FNBP1: variants seen among roughly 807,000 people sequenced by gnomAD.
The protein encoded by FNBP1 is formin binding protein 1.
FNBP1 carries 26 observed loss-of-function variants against 90.6 expected under a neutral mutation model. That is an observed-to-expected ratio of 0.29 (90% CI 0.21 to 0.40). The LOEUF (loss-of-function observed/expected upper bound fraction) is 0.40. Among genes scored for constraint, FNBP1 ranks in the 10% least tolerant of loss-of-function variants. The pLI is 1.00. For missense variants in FNBP1, 635 were observed against 768.0 expected (o/e 0.83, Z 2.05); for synonymous variants, 260 against 265.2 (o/e 0.98, Z 0.19).
intron 11 of FNBP1, among the ~76,000 whole-genome samples, chr9:129,913,901 G>A (rs1030284628): frequency 6.7e-6 from 1 of 150,044 alleles, no homozygotes; most frequent in Non-Finnish European, 1.5e-5. Context: ...TTTTTTTTGA[G>A]ACAGGGTTTC....
chr9:129,900,063 C>A lies in FNBP1; in HGVS notation c.1589G>T (p.Ser530Ile). ...ATCCGTGGCCAGCACCTTCATCTCA[C>A]TCTCCTGACTCTGCTCCTCTGTGTA... ...GSYTEEQSQE[S>I]EMKVLATDFD... Residue 530 changes from serine to isoleucine, a missense_variant, in exon 15 of 17, where the codon AGT (serine) becomes ATT (isoleucine). By Grantham distance (142) the Ser-to-Ile change is moderately radical (BLOSUM62 -2). Coordinates refer to ENST00000446176, the MANE Select transcript of FNBP1 (RefSeq NM_015033.3). This position sits in a 1 kb window ranked among gnomAD's most constrained non-coding sequence, Gnocchi z 4.1. The A allele has an allele frequency of 2.5e-6, 4 of 1,613,488 alleles. No individual in the cohort carries two copies. The highest frequency in any genetic ancestry group is 3.4e-6 in the Non-Finnish European group (4 of 1,179,676).
Position 129,900,306 on chromosome 9 carries a change from G to T in FNBP1, c.1550+120C>A. ...TCATGGAAAAAGTGACAGGTCAATC[G>T]CAACAGACATTTTGGCATTGAACAA... On this transcript the variant is annotated intron_variant, in intron 14 of 16. Coordinates refer to ENST00000446176, the MANE Select transcript of FNBP1 (RefSeq NM_015033.3). The surrounding 1 kb of genome is among the most constrained non-coding windows in gnomAD (Gnocchi z 4.1). 1 of 1,183,568 alleles carries T rather than the reference G, an allele frequency of 8.4e-7. No homozygotes were observed. Among genetic ancestry groups the T allele is most frequent in the Non-Finnish European group, 1.1e-6 (1 of 875,656 alleles). 73.3% of individuals were successfully genotyped at this position (1,183,568 alleles called of 1,614,324 possible).
At chr9:130,013,942 G>C (rs1175627479) in intron 1 of FNBP1, 1 of 452,214 alleles carries the variant, frequency 2.2e-6, no homozygotes, top group Non-Finnish European at 4.4e-6. Flanking sequence ...CTAGATTCAT[G>C]AGCCAAATAA....
rs890909127 is a variant in FNBP1, at chr9:130,043,081, C to T, written c.-106G>A. On this transcript the variant is annotated 5_prime_UTR_variant, in exon 1 of 17. Coordinates refer to ENST00000446176, the MANE Select transcript of FNBP1 (RefSeq NM_015033.3). ...GAGATCCCCGCGACGGCGGAAAGCC[C>T]GGAGTCCGCGCGGCCTCCTCCGGCT... 1 of 1,085,256 alleles carries T rather than the reference C, an allele frequency of 9.2e-7. No individual in the cohort carries two copies. Among genetic ancestry groups the T allele is most frequent in the Middle Eastern group, 3.4e-4 (1 of 2,900 alleles). The allele number at this position is 1,085,256 out of a possible 1,614,324, so 67.2% of individuals were successfully genotyped here.
chr9:129,960,975 G>A (rs1460797018), intron 4 of FNBP1, among the ~76,000 whole-genome samples: 1 of 152,020 alleles, frequency 6.6e-6, no homozygotes. Flanking sequence ...GATCATACAC[G>A]TAGTTTCACA....
intron 1 of FNBP1, among the ~76,000 whole-genome samples, chr9:130,034,112 G>A (rs952593440): frequency 6.6e-6 from 1 of 151,666 alleles, no homozygotes; most frequent in East Asian, 1.9e-4. Flanking sequence ...ACGAGGTCAG[G>A]AGATCGAGAC....
intron 6 of FNBP1, among the ~76,000 whole-genome samples, chr9:129,947,772 G>A (rs1382295222): frequency 1.3e-5 from 2 of 151,464 alleles, no homozygotes; most frequent in Admixed American, 6.6e-5. Context: ...ACAGGCATGC[G>A]CCACCACACC....
Position 129,919,546 on chromosome 9 carries a change from A to G in FNBP1, c.1171-3566T>C, listed in dbSNP as rs111257464. On this transcript the variant is annotated intron_variant, in intron 10 of 16. Transcript: ENST00000446176. ...CTTACATAAAAATGAAACAATGGTT[A>G]ATGTTCTGGCGGCATCTCTAAACAT... Among the ~76,000 whole-genome samples the G allele has an allele frequency of 6.2e-3, 941 of 152,366 alleles. 6 individuals are homozygous for G. Among genetic ancestry groups the G allele is most frequent in the Middle Eastern group, 0.02 (6 of 294 alleles).
intron 10 of FNBP1, among the ~76,000 whole-genome samples, chr9:129,917,021 T>TG (rs74572045): frequency 0.082 from 12,273 of 150,286 alleles, 547 homozygotes; most frequent in East Asian, 0.1. Context: ...TGACTGCTCT[T>TG]TTTTTTTTTG....
At chr9:129,940,112 G>A (rs1324443047) in intron 6 of FNBP1, among the ~76,000 whole-genome samples, 1 of 152,032 alleles carries the variant, frequency 6.6e-6, no homozygotes, top group Non-Finnish European at 1.5e-5. Context: ...GAGGTGGGAG[G>A]ATCACTTGAG....
At chr9:130,034,755 T>C (rs1200964161) in intron 1 of FNBP1, among the ~76,000 whole-genome samples, 1 of 152,178 alleles carries the variant, frequency 6.6e-6, no homozygotes, top group Non-Finnish European at 1.5e-5. Flanking sequence ...TGATTCTCAA[T>C]ATGAATAACA....
At chr9:129,898,220 G>C (rs1275851955) in intron 15 of FNBP1, among the ~76,000 whole-genome samples, 1 of 152,024 alleles carries the variant, frequency 6.6e-6, no homozygotes, top group Non-Finnish European at 1.5e-5. Context: ...TGACTGCATC[G>C]ACACCCTGCT....
In FNBP1 at chr9:129,900,052, C is replaced by A; in HGVS notation, c.1600G>T (p.Val534Leu). ...EEQSQESEMK[V>L]LATDFDDEFD... ...TCGTCGTCAAAATCCGTGGCCAGCA[C>A]CTTCATCTCACTCTCCTGACTCTGC... is the stretch of plus-strand genomic sequence containing the variant. The change falls in exon 15 of 17, where the codon GTG (valine) becomes TTG (leucine). Residue 534 changes from valine (V) to leucine (L), a missense_variant. Physicochemically the swap from Val to Leu is conservative, Grantham distance 32. Coordinates refer to ENST00000446176, the MANE Select transcript of FNBP1 (RefSeq NM_015033.3). The surrounding 1 kb of genome is among the most constrained non-coding windows in gnomAD (Gnocchi z 4.1). The A allele has an allele frequency of 6.2e-7, 1 of 1,613,530 alleles. No individual in the cohort carries two copies. Among genetic ancestry groups the A allele is most frequent in the South Asian group, 1.1e-5 (1 of 91,008 alleles).
chr9:130,030,359 T>G (rs1047021789), intron 1 of FNBP1, among the ~76,000 whole-genome samples: 5 of 148,970 alleles, frequency 3.4e-5, no homozygotes, highest in African/African-American at 1.2e-4. Flanking sequence ...CTCTTGAAAC[T>G]GGGAGCCGGA....
At chr9:129,974,806 GCC>G (rs1392857319) in intron 4 of FNBP1, among the ~76,000 whole-genome samples, 1 of 150,506 alleles carries the variant, frequency 6.6e-6, no homozygotes, top group Admixed American at 6.6e-5. Flanking sequence ...GCTACAGTGA[GCC>G]ATGATCGCAC....
intron 6 of FNBP1, among the ~76,000 whole-genome samples, chr9:129,956,151 G>T (rs2046908992): frequency 6.6e-6 from 1 of 152,052 alleles, no homozygotes; most frequent in African/African-American, 2.4e-5. Context: ...AGGGGTATGT[G>T]CCACAGCACC....
chr9:129,950,040 C>T (rs1411283182), intron 6 of FNBP1, among the ~76,000 whole-genome samples: 1 of 152,078 alleles, frequency 6.6e-6, no homozygotes, highest in African/African-American at 2.4e-5. Context: ...TTTGCGGGAA[C>T]TGGGGGAGAA....
At chr9:129,970,069 T>G (rs895134942) in intron 4 of FNBP1, among the ~76,000 whole-genome samples, 5 of 143,862 alleles carry the variant, frequency 3.5e-5, no homozygotes, top group East Asian at 4.0e-4. Flanking sequence ...TTTGGGTTTG[T>G]TTTTTTTTTG....
At chr9:130,001,264 G>A (rs10123663) in intron 1 of FNBP1, among the ~76,000 whole-genome samples, 117,452 of 147,660 alleles carry the variant, frequency 0.8, 47,170 homozygotes, top group East Asian at 0.89. Context: ...CCCGGGAGGC[G>A]GAGGTTGCAA....
Sources: allele counts gnomAD v4.1 joint callset (sites outside exome capture counted in the v4.1 genomes callset), GRCh38; gene constraint gnomAD v4.1.1; non-coding constraint Gnocchi (gnomAD v3.1); transcripts MANE v1.5; gene names NCBI Gene and HGNC (gene_info 2026-07-23, HGNC 2026-07-21).